Variants in FLACC1 observed in about 807,000 individuals in gnomAD.
FLACC1 encodes the protein flagellum associated containing coiled-coil domains 1, also known as flagellum-associated coiled-coil domain-containing protein 1.
Under a neutral mutation model 62.8 loss-of-function variants are expected in FLACC1, and 66 were observed. The observed-to-expected ratio is 1.05, with a 90% CI of 0.86 to 1.29. The LOEUF is 1.29. Among genes scored for constraint, FLACC1 ranks in the 50% most tolerant of loss-of-function variants. FLACC1 has a pLI of 0.00. For synonymous variants in FLACC1, 156 were observed against 161.0 expected, an observed-to-expected ratio of 0.97 and a Z score of 0.24; for missense variants, 452 against 489.1, an observed-to-expected ratio of 0.92 and a Z score of 0.71.
chr2:201,358,007 G>A (rs1233134669), upstream of FLACC1, among the ~76,000 whole-genome samples: 1 of 151,908 alleles, frequency 6.6e-6, no homozygotes, highest in Non-Finnish European at 1.5e-5. Context: ...AATTAAAGCT[G>A]ATTATAATCC....
chr2:201,313,254 C>G (rs953465440), intron 9 of FLACC1, among the ~76,000 whole-genome samples: 4 of 152,172 alleles, frequency 2.6e-5, no homozygotes, highest in Non-Finnish European at 4.4e-5. Context: ...GCAGACTCCA[C>G]AGGCAGGGAA....
intron 6 of FLACC1, among the ~76,000 whole-genome samples, chr2:201,343,757 G>A (rs560041070): frequency 6.6e-6 from 1 of 152,360 alleles, no homozygotes; most frequent in South Asian, 2.1e-4. Context: ...AGATTCTGAT[G>A]TGTGGGCAGC....
chr2:201,317,781 A>G (rs544216613), intron 9 of FLACC1, among the ~76,000 whole-genome samples: 1 of 152,246 alleles, frequency 6.6e-6, no homozygotes, highest in South Asian at 2.1e-4. Flanking sequence ...AAACAAGCAA[A>G]CAAAAAATCA....
At chr2:201,347,140 A>G (rs1348165913) in intron 4 of FLACC1, among the ~76,000 whole-genome samples, 3 of 122,904 alleles carry the variant, frequency 2.4e-5, no homozygotes, top group Non-Finnish European at 5.9e-5. Context: ...AAAACAACAT[A>G]TGAGAAAATG....
At chr2:201,333,066 G>A (rs887346017) in intron 7 of FLACC1, among the ~76,000 whole-genome samples, 1 of 152,160 alleles carries the variant, frequency 6.6e-6, no homozygotes, top group Non-Finnish European at 1.5e-5. Context: ...TTTTGGGTAA[G>A]CACTCGGAAG....
At chr2:201,345,352 C>T (rs1465581251) in intron 5 of FLACC1, among the ~76,000 whole-genome samples, 1 of 152,098 alleles carries the variant, frequency 6.6e-6, no homozygotes, top group Non-Finnish European at 1.5e-5. Context: ...ACTTGAGGGG[C>T]CTTCAGACTC....
chr2:201,288,909 C>T lies in FLACC1; in HGVS notation c.1143-128G>A, dbSNP rs181089939. 1.1e-5 allele frequency: 12 copies of T among 1,122,830 alleles called. No individual in the cohort carries two copies. The African/African-American group carries it at 1.6e-4, about 15-fold the overall frequency. 69.6% of individuals were successfully genotyped at this position (1,122,830 alleles called of 1,614,324 possible). A position where few individuals can be genotyped will look rare whatever the true frequency, so the allele number is the denominator to read the frequency against. ...ACAGCAGTCTCTCACTCATTACTTGCAGTGGTTTTGAATTTAGTGAGGTAT... is the reference window on the plus strand; with the variant it reads ...ACAGCAGTCTCTCACTCATTACTTGTAGTGGTTTTGAATTTAGTGAGGTAT... On this transcript the variant is annotated intron_variant, in intron 14 of 14. Coordinates refer to ENST00000392257, the MANE Select transcript of FLACC1 (RefSeq NM_001127391.3).
intron 6 of FLACC1, 129 bp downstream of exon 6, chr2:201,344,041 G>C (rs917835789): frequency 1.1e-5 from 8 of 715,844 alleles, no homozygotes; most frequent in Non-Finnish European, 1.9e-5. Context: ...CCAATCTTTA[G>C]GGTCCTGTCA....
At chr2:201,305,174 A>T (rs1294717393) in intron 11 of FLACC1, among the ~76,000 whole-genome samples, 3 of 152,364 alleles carry the variant, frequency 2.0e-5, no homozygotes, top group South Asian at 2.1e-4. Flanking sequence ...AAATTTTTGC[A>T]ATCTACCCAT....
intron 11 of FLACC1, among the ~76,000 whole-genome samples, chr2:201,300,611 G>A (rs185615700): frequency 1.3e-3 from 204 of 152,222 alleles, no homozygotes; most frequent in African/African-American, 4.8e-3. Flanking sequence ...ATCTGAGAAT[G>A]GACAGACTGC....
intron 5 of FLACC1, among the ~76,000 whole-genome samples, chr2:201,345,886 T>C (rs1403711796): frequency 6.6e-6 from 1 of 152,028 alleles, no homozygotes; most frequent in Admixed American, 6.5e-5. Flanking sequence ...AAAAAGAGGC[T>C]GGGCGCAGTG....
At chr2:201,312,128 A>G (rs895925679) in intron 9 of FLACC1, among the ~76,000 whole-genome samples, 1 of 152,246 alleles carries the variant, frequency 6.6e-6, no homozygotes, top group Non-Finnish European at 1.5e-5. Context: ...TAGGAAAAGA[A>G]GAAGTCAAAT....
At chr2:201,307,741 G>A in intron 10 of FLACC1, 119 bp from the exon 11 acceptor site, 1 of 770,638 alleles carries the variant, frequency 1.3e-6, no homozygotes. Context: ...CAAGGTCATT[G>A]CAGCCTGGTG....
At position 201,299,365 on chromosome 2, in the gene FLACC1, G is replaced by T. The variant is rs377614873; in HGVS notation, c.880-65C>A. On this transcript the variant is annotated intron_variant, in intron 11 of 14. Transcript: ENST00000392257. ...TCTGGCACATCTTCTAGGGAGTTAA[G>T]AAAGCCAGACTAGGATTCAGGAATA... 6.7e-5 allele frequency: 88 copies of T among 1,321,512 alleles called. No individual in the cohort carries two copies. In the African/African-American group the frequency reaches 9.5e-4, roughly 14 times the overall value. The allele number at this position is 1,321,512 out of a possible 1,614,324, so 81.9% of individuals were successfully genotyped here. A position where few individuals can be genotyped will look rare whatever the true frequency, so the allele number is the denominator to read the frequency against.
chr2:201,360,128 C>T (rs1951172651), upstream of FLACC1, among the ~76,000 whole-genome samples: 1 of 152,094 alleles, frequency 6.6e-6, no homozygotes. Context: ...TTCGCCAGTT[C>T]CAAAACAGCT....
the FLACC1 span, among the ~76,000 whole-genome samples, chr2:201,363,372 G>T: frequency 6.6e-6 from 1 of 151,686 alleles, no homozygotes; most frequent in Non-Finnish European, 1.5e-5. Flanking sequence ...CAGCCTGAGT[G>T]CCCTACCTTT....
chr2:201,326,530 C>G lies in FLACC1; in HGVS notation c.675+3940G>C, dbSNP rs559296469. Among the ~76,000 whole-genome samples, 69 of 152,070 alleles carry G rather than the reference C, an allele frequency of 4.5e-4. No individual in the cohort carries two copies. Among genetic ancestry groups the G allele is most frequent in the Non-Finnish European group, 8.7e-4 (59 of 68,002 alleles). ...AGCACTGCTATACGCTAACAACGACCAAGCTGAGAATCAAAAAAAGAACTG... is the reference window on the plus strand; with the variant it reads ...AGCACTGCTATACGCTAACAACGACGAAGCTGAGAATCAAAAAAAGAACTG... On this transcript the variant is annotated intron_variant, in intron 9 of 14. Transcript: ENST00000392257. This position sits in a 1 kb window ranked among gnomAD's most constrained non-coding sequence, Gnocchi z 4.1.
chr2:201,350,292 G>A (rs1950998741), intron 3 of FLACC1, among the ~76,000 whole-genome samples: 3 of 152,188 alleles, frequency 2.0e-5, no homozygotes, highest in African/African-American at 7.2e-5. Context: ...GGCTAAGGCA[G>A]GAGAATCGTT....
intron 11 of FLACC1, among the ~76,000 whole-genome samples, 191 bp downstream of exon 11, chr2:201,307,328 C>T (rs1411619333): frequency 6.6e-6 from 1 of 152,166 alleles, no homozygotes; most frequent in Non-Finnish European, 1.5e-5. Context: ...ACTGTCTAGC[C>T]TGTGGGAAGA....
Sources: gnomAD v4.1 joint callset for allele counts (sites outside exome capture counted in the v4.1 genomes callset) on GRCh38, gnomAD v4.1.1 for gene constraint, Gnocchi (gnomAD v3.1) non-coding constraint, MANE v1.5 for transcripts, NCBI Gene and HGNC (gene_info 2026-07-23, HGNC 2026-07-21) for gene names.